The following BMS1 variants were observed in gnomAD, a reference collection of about 807,000 sequenced individuals.
The protein encoded by BMS1 is ribosome biogenesis protein BMS1 homolog.
Under a neutral mutation model 138.7 loss-of-function variants are expected in BMS1, and 53 were observed. The observed-to-expected ratio is 0.38, with a 90% CI of 0.31 to 0.48. BMS1 has a LOEUF of 0.48. BMS1 is among the 20% of genes least tolerant of loss of function. The pLI is 0.97. For missense variants in BMS1, 1,360 were observed against 1,565.5 expected (o/e 0.87, Z 2.22); for synonymous variants, 504 against 539.9 (o/e 0.93, Z 0.92).
chr10:42,794,586 C>A (rs1007193342), intron 9 of BMS1, among the ~76,000 whole-genome samples: 51 of 150,532 alleles, frequency 3.4e-4, no homozygotes, highest in Middle Eastern at 3.4e-3. Flanking sequence ...GCATAAACTA[C>A]CTAGCAGAAT....
At position 42,816,686 on chromosome 10, in the gene BMS1, G is replaced by A. The variant is rs1408679801; in HGVS notation, c.2403+14G>A. ...CCCAATACTCAGGTATGACTTTGTC[G>A]TAGCTGGCTGTTCTTGGTCATTGTG... On this transcript the variant is annotated intron_variant, in intron 14 of 22. Transcript: ENST00000374518. 6.9e-6 allele frequency: 11 copies of A among 1,602,322 alleles called. No homozygotes were observed. Among genetic ancestry groups the A allele is most frequent in the South Asian group, 6.7e-5 (6 of 89,584 alleles).
At position 42,796,734 on chromosome 10, in the gene BMS1, A is replaced by G. The variant is rs370089476; in HGVS notation, c.1490A>G (p.Asp497Gly). The change falls in exon 10 of 23, where the codon GAT (aspartate) becomes GGT (glycine). Residue 497 changes from aspartate (D) to glycine (G), a missense_variant. This residue lies in a region of BMS1 where 697 missense variants were observed against 686.2 expected (regional missense o/e 1.02). Transcript: ENST00000374518. Reference protein sequence around the residue: ...KLELEEDSEMDLPAFADSDDD... With the variant: ...KLELEEDSEMGLPAFADSDDD... ...GAGTTGGAAGAAGACAGTGAAATGG[A>G]TTTGCCAGCATTTGCTGACAGTGAC... 5 of 1,614,086 alleles carry G rather than the reference A, an allele frequency of 3.1e-6. No individual in the cohort carries two copies. The African/African-American group carries it at 6.7e-5, about 22-fold the overall frequency.
chr10:42,799,338 C>T (rs985064699), intron 12 of BMS1, among the ~76,000 whole-genome samples: 3 of 152,176 alleles, frequency 2.0e-5, no homozygotes, highest in Admixed American at 1.3e-4. Flanking sequence ...ACTCTGGGTT[C>T]GAATGATCTT....
intron 13 of BMS1, among the ~76,000 whole-genome samples, chr10:42,812,878 C>A (rs1376471954): frequency 6.6e-6 from 1 of 152,154 alleles, no homozygotes; most frequent in Non-Finnish European, 1.5e-5. Context: ...ACCGTTCTGG[C>A]TGATAAAAGA....
chr10:42,794,047 C>A, intron 9 of BMS1, 56 bp downstream of exon 9: 1 of 1,575,502 alleles, frequency 6.3e-7, no homozygotes, highest in Non-Finnish European at 8.7e-7. Context: ...AAGATCATAT[C>A]ACCCATAATT....
chr10:42,821,542 C>CTTT lies in BMS1; in HGVS notation c.3010-494_3010-492dup, dbSNP rs34272995. The stretch of plus-strand genomic sequence containing the variant: ...ACTCTCAGGAAAGTACTCAAGGCGC[C>CTTT]TTTTTTTTTTTTTTTTTTTTTTTTT... On this transcript the variant is annotated intron_variant, in intron 18 of 22. Coordinates refer to ENST00000374518, the MANE Select transcript of BMS1 (RefSeq NM_014753.4). Among the ~76,000 whole-genome samples the CTTT allele has an allele frequency of 4.4e-3, 300 of 68,620 alleles. 57 individuals carry two copies. Among genetic ancestry groups the CTTT allele is most frequent in the African/African-American group, 8.7e-3 (140 of 16,104 alleles). The allele number at this position is 68,620 out of a possible 152,430, so 45.0% of individuals were successfully genotyped here. A position where few individuals can be genotyped will look rare whatever the true frequency, so the allele number is the denominator to read the frequency against.
rs1322825287 is a variant in BMS1 at position 42,834,561 on chromosome 10, T to A, written c.*3465T>A. On this transcript the variant is annotated 3_prime_UTR_variant, in exon 23 of 23. Transcript: ENST00000374518. ...TAGTTTATTTCATGGTTTTAAAGTATTGTACATTTTTATAATCCTTTAACA... is the reference window on the plus strand; with the variant it reads ...TAGTTTATTTCATGGTTTTAAAGTAATGTACATTTTTATAATCCTTTAACA... 3.3e-5 allele frequency: 5 copies of A among 152,172 alleles called. No individual in the cohort carries two copies. The highest frequency in any genetic ancestry group is 7.3e-5 in the Non-Finnish European group (5 of 68,030). 9.4% of individuals were successfully genotyped at this position (152,172 alleles called of 1,614,324 possible).
Position 42,823,332 on chromosome 10 carries a change from C to T in BMS1, c.3280+67C>T, listed in dbSNP as rs918808202. The T allele has an allele frequency of 2.1e-5, 31 of 1,484,632 alleles. 1 individual carries two copies. Among genetic ancestry groups the T allele is most frequent in the South Asian group, 2.9e-5 (2 of 68,296 alleles). 92.0% of individuals were successfully genotyped at this position (1,484,632 alleles called of 1,614,324 possible). ...CATGCTTGACTTCTAGCCAGTGTGA[C>T]GAGAGGCTGGAGTCAGGTCTCTAGA... On this transcript the variant is annotated intron_variant, in intron 20 of 22. Transcript: ENST00000374518.
chr10:42,784,241 C>T (rs1030770097), intron 1 of BMS1, 121 bp from the exon 2 acceptor site: 2 of 683,278 alleles, frequency 2.9e-6, no homozygotes, highest in South Asian at 2.8e-5. Context: ...TACCCTTGTT[C>T]AGTGAACAAA....
chr10:42,818,793 G>A (rs1842421443), intron 15 of BMS1, among the ~76,000 whole-genome samples: 1 of 152,158 alleles, frequency 6.6e-6, no homozygotes, highest in Non-Finnish European at 1.5e-5. Context: ...CAGAGTGAGT[G>A]GGAGGAGCAA....
intron 3 of BMS1, among the ~76,000 whole-genome samples, chr10:42,786,416 C>T (rs138567948): frequency 3.9e-4 from 59 of 151,966 alleles, no homozygotes; most frequent in African/African-American, 1.4e-3. Flanking sequence ...TTGGAGCATC[C>T]ATATTTTCTT....
Position 42,823,798 on chromosome 10 carries a change from G to T in BMS1, c.3456+14G>T, listed in dbSNP as rs1842568520. Reference sequence around the variant, plus strand: ...TCTCTGTATAAGGTACTGGTCGCGTGTGTGTTAGTGGAGATGAAGCCTGTG... The same window carrying T: ...TCTCTGTATAAGGTACTGGTCGCGTTTGTGTTAGTGGAGATGAAGCCTGTG... On this transcript the variant is annotated intron_variant, in intron 21 of 22. Coordinates refer to ENST00000374518, the MANE Select transcript of BMS1 (RefSeq NM_014753.4). 6.5e-7 allele frequency: 1 copy of T among 1,546,020 alleles called. No individual in the cohort carries two copies. The highest frequency in any genetic ancestry group is 1.3e-5 in the South Asian group (1 of 79,590).
In BMS1 at chr10:42,820,376, T is replaced by G; in HGVS notation, c.2721T>G (p.Ile907Met). Residue 907 changes from isoleucine to methionine, a missense_variant, in exon 16 of 23, where the codon ATT (isoleucine) becomes ATG (methionine). This residue lies in a region of BMS1 where 425 missense variants were observed against 568.3 expected (regional missense o/e 0.75). Transcript: ENST00000374518. ...AGAACTTTGACCCCCATTACCCCAT[T>G]ATCCTGGGTGGCTTGGGCAACAGTG... ...FVQNFDPHYP[I>M]ILGGLGNSEG... The G allele has an allele frequency of 6.2e-7, 1 of 1,613,814 alleles. No homozygotes were observed. The highest frequency in any genetic ancestry group is 8.5e-7 in the Non-Finnish European group (1 of 1,179,834).
At chr10:42,826,747 G>T (rs1333880464) in intron 21 of BMS1, among the ~76,000 whole-genome samples, 1 of 152,210 alleles carries the variant, frequency 6.6e-6, no homozygotes, top group Non-Finnish European at 1.5e-5. Context: ...TGGCTGCTCA[G>T]CTCAGCCAAG....
chr10:42,797,186 G>A lies in BMS1; in HGVS notation c.1942G>A (p.Glu648Lys). The A allele has an allele frequency of 6.2e-7, 1 of 1,610,928 alleles. No homozygotes were observed. The highest frequency in any genetic ancestry group is 8.5e-7 in the Non-Finnish European group (1 of 1,179,076). ...TSDIENLLKE[E>K]EDYKEENNDS... ...TGATATAGAAAATTTACTCAAAGAGGAAGAAGATTACAAGGAAGAAAATAA... is the reference window on the plus strand; with the variant it reads ...TGATATAGAAAATTTACTCAAAGAGAAAGAAGATTACAAGGAAGAAAATAA... Residue 648 changes from glutamate (E) to lysine (K), a missense_variant, in exon 10 of 23, where the codon GAA (glutamate) becomes AAA (lysine). Physicochemically the swap from Glu to Lys is moderately conservative, Grantham distance 56 (BLOSUM62 1). Coordinates refer to ENST00000374518, the MANE Select transcript of BMS1 (RefSeq NM_014753.4).
intron 13 of BMS1, among the ~76,000 whole-genome samples, 194 bp downstream of exon 13, chr10:42,802,412 A>T (rs971181759): frequency 2.6e-5 from 4 of 152,220 alleles, no homozygotes; most frequent in African/African-American, 9.7e-5. Flanking sequence ...TGGCTGATTT[A>T]CTGCGTATGG....
chr10:42,802,272 C>T (rs1396894294), intron 13 of BMS1, 54 bp downstream of exon 13: 1 of 1,490,360 alleles, frequency 6.7e-7, no homozygotes, highest in East Asian at 2.3e-5. Context: ...ACTTTATTTT[C>T]TTCAGTATCT....
rs1268683981 is a variant in BMS1 at position 42,820,196 on chromosome 10, A to G, written c.2581-40A>G. ...CATGTTAATCTTATGTTTATTACAG[A>G]TAACAGCATACAGGTTTTTTTATTC... On this transcript the variant is annotated intron_variant, in intron 15 of 22. Transcript: ENST00000374518. 5 of 1,600,374 alleles carry G rather than the reference A, an allele frequency of 3.1e-6. No individual in the cohort carries two copies. In the African/African-American group the frequency reaches 4.0e-5, roughly 13 times the overall value.
chr10:42,792,490 T>C lies in BMS1; in HGVS notation c.780-3T>C. The C allele has an allele frequency of 6.2e-7, 1 of 1,610,888 alleles. No individual in the cohort carries two copies. The highest frequency in any genetic ancestry group is 1.7e-5 in the Admixed American group (1 of 59,846). On this transcript the variant is annotated splice_polypyrimidine_tract_variant and splice_region_variant and intron_variant, in intron 6 of 22. Transcript: ENST00000374518. ...TCTGCTGTGATTGAATTTATTTTTCTAGGATGGAAGATTTGACAAACCCAG... is the reference window on the plus strand; with the variant it reads ...TCTGCTGTGATTGAATTTATTTTTCCAGGATGGAAGATTTGACAAACCCAG...
Sources: gnomAD v4.1 joint callset for allele counts (sites outside exome capture counted in the v4.1 genomes callset) on GRCh38, gnomAD v4.1.1 for gene constraint, gnomAD v4.1.1 regional missense constraint, MANE v1.5 for transcripts, NCBI Gene and HGNC (gene_info 2026-07-23, HGNC 2026-07-21) for gene names.